C11orf65: variants seen among roughly 807,000 people sequenced by gnomAD.
The protein encoded by C11orf65 is chromosome 11 open reading frame 65, also known as protein MFI.
C11orf65 carries 38 observed loss-of-function variants against 35.3 expected under a neutral mutation model. That is an observed-to-expected ratio of 1.08 (90% CI 0.83 to 1.41). The LOEUF is 1.41. Ranked by LOEUF, C11orf65 falls within the 40% of genes most tolerant of loss-of-function variation. C11orf65 has a pLI of 0.00. For missense variants in C11orf65, 370 were observed against 367.1 expected (o/e 1.01, Z -0.06); for synonymous variants, 105 against 114.4 (o/e 0.92, Z 0.53).
chr11:108,321,146 G>T (rs2085175847), intron 6 of C11orf65, among the ~76,000 whole-genome samples: 1 of 152,114 alleles, frequency 6.6e-6, no homozygotes, highest in Admixed American at 6.5e-5. Context: ...GTTGTATTTT[G>T]TTTCCACTGC....
chr11:108,376,332 C>T (rs2091725737), intron 2 of C11orf65, among the ~76,000 whole-genome samples: 2 of 152,178 alleles, frequency 1.3e-5, no homozygotes, highest in Non-Finnish European at 1.5e-5. Flanking sequence ...GAATCTCACT[C>T]AAAACCGCTC....
intron 2 of C11orf65, among the ~76,000 whole-genome samples, chr11:108,360,555 C>T (rs962945826): frequency 1.4e-5 from 2 of 140,926 alleles, no homozygotes; most frequent in African/African-American, 2.7e-5. Flanking sequence ...CAATAAAATA[C>T]TGGCAAAACG....
chr11:108,406,973 G>T lies in C11orf65; in HGVS notation c.229-10C>A, dbSNP rs1000781331. 1 of 1,595,734 alleles carries T rather than the reference G, an allele frequency of 6.3e-7. No homozygotes were observed. ...CAGGTGGAAATTTAACCTGTAGAAG[G>T]AAAAGTTCAAAGAGCCATTGTAATG... On this transcript the variant is annotated splice_polypyrimidine_tract_variant and intron_variant, in intron 4 of 8. Coordinates refer to ENST00000393084, the MANE Select transcript of C11orf65 (RefSeq NM_152587.5).
intron 6 of C11orf65, among the ~76,000 whole-genome samples, chr11:108,318,696 CAAAA>C (rs200420593): frequency 6.6e-6 from 1 of 150,412 alleles, no homozygotes; most frequent in Non-Finnish European, 1.5e-5. Flanking sequence ...CTCAAAAAAA[CAAAA>C]AAAACACTCA....
At chr11:108,327,456 A>T (rs371819297), downstream of C11orf65, 1 of 554,234 alleles carries the variant, frequency 1.8e-6, no homozygotes, top group African/African-American at 1.9e-5. Context: ...AATAATAAAC[A>T]GAGGATGATC....
At chr11:108,358,295 T>G (rs973142923) in intron 2 of C11orf65, among the ~76,000 whole-genome samples, 3 of 143,968 alleles carry the variant, frequency 2.1e-5, no homozygotes, top group Non-Finnish European at 3.0e-5. Flanking sequence ...TGGGACTATG[T>G]GAAAAGACCA....
intron 5 of C11orf65, among the ~76,000 whole-genome samples, chr11:108,405,962 G>T (rs1182796170): frequency 6.6e-6 from 1 of 152,118 alleles, no homozygotes; most frequent in Non-Finnish European, 1.5e-5. Flanking sequence ...CTAAGACTTT[G>T]TGGTTTCCCC....
chr11:108,381,835 T>C (rs1376796537), downstream of C11orf65, among the ~76,000 whole-genome samples: 2 of 152,218 alleles, frequency 1.3e-5, no homozygotes, highest in African/African-American at 4.8e-5. Flanking sequence ...TCCATAAGTA[T>C]AGGCTGGACT....
At chr11:108,384,422 C>A (rs961469482) in intron 8 of C11orf65, among the ~76,000 whole-genome samples, 1 of 152,148 alleles carries the variant, frequency 6.6e-6, no homozygotes, top group African/African-American at 2.4e-5. Context: ...GTGCTAGGTA[C>A]TACCGTTATT....
At chr11:108,316,329 C>T (rs1294490460) in intron 6 of C11orf65, among the ~76,000 whole-genome samples, 1 of 152,156 alleles carries the variant, frequency 6.6e-6, no homozygotes, top group African/African-American at 2.4e-5. Flanking sequence ...GAAAGTCAGA[C>T]AGGTCATTGA....
At chr11:108,407,819 C>T (rs2092571338) in intron 3 of C11orf65, among the ~76,000 whole-genome samples, 1 of 150,206 alleles carries the variant, frequency 6.7e-6, no homozygotes, top group Admixed American at 6.6e-5. Flanking sequence ...GTAGTCTCAG[C>T]TACTCAGGAG....
At chr11:108,391,990 G>A (rs757246589) in intron 7 of C11orf65, among the ~76,000 whole-genome samples, 1 of 151,194 alleles carries the variant, frequency 6.6e-6, no homozygotes, top group Non-Finnish European at 1.5e-5. Flanking sequence ...CTAGGCTCAA[G>A]CAATCCTCCC....
intron 6 of C11orf65, among the ~76,000 whole-genome samples, chr11:108,401,438 G>A (rs936910687): frequency 7.2e-5 from 11 of 152,154 alleles, no homozygotes; most frequent in African/African-American, 2.4e-4. Context: ...TGTGGCTAGT[G>A]AGCCTTATCT....
chr11:108,327,523 T>A, downstream of C11orf65: 1 of 712,520 alleles, frequency 1.4e-6, no homozygotes. Context: ...GAGGAAAAAC[T>A]TTTTTTTTCC....
chr11:108,401,139 TGCTCCCCTC>T (rs1335704990), intron 6 of C11orf65, among the ~76,000 whole-genome samples: 12 of 151,808 alleles, frequency 7.9e-5, no homozygotes, highest in Non-Finnish European at 1.5e-5. Context: ...AGAAATATGC[TGCTCCCCTC>T]GCTCCCCTCA....
downstream of C11orf65, among the ~76,000 whole-genome samples, chr11:108,329,903 T>C (rs2086075373): frequency 6.6e-6 from 1 of 152,242 alleles, no homozygotes. Context: ...TTACAAAAGT[T>C]ACCTATTTTG....
At chr11:108,430,124 ATTCT>A (rs1461528010) in intron 3 of C11orf65, among the ~76,000 whole-genome samples, 1 of 132,512 alleles carries the variant, frequency 7.5e-6, no homozygotes, top group Non-Finnish European at 1.6e-5. Context: ...ACTGAACTGT[ATTCT>A]TTTTTTTTTT....
At chr11:108,366,740 C>G (rs2137982067) in intron 2 of C11orf65, 1 of 231,218 alleles carries the variant, frequency 4.3e-6, no homozygotes, top group East Asian at 6.1e-5. Context: ...CTCCTCATCT[C>G]CTTGTGCTAG....
intron 2 of C11orf65, among the ~76,000 whole-genome samples, chr11:108,343,813 C>G (rs1263938589): frequency 2.0e-5 from 3 of 152,046 alleles, no homozygotes; most frequent in Non-Finnish European, 4.4e-5. Context: ...ACAACAACAA[C>G]AAGATTATGA....
Sources: allele counts gnomAD v4.1 joint callset (sites outside exome capture counted in the v4.1 genomes callset), GRCh38; gene constraint gnomAD v4.1.1; transcripts MANE v1.5; gene names NCBI Gene and HGNC (gene_info 2026-07-23, HGNC 2026-07-21).